The following SLC36A1 variants were observed in gnomAD, a reference collection of about 807,000 sequenced individuals.
SLC36A1 encodes proton-coupled amino acid transporter 1.
In SLC36A1, 30 loss-of-function variants were observed where a neutral mutation model predicts 47.5. The observed-to-expected ratio is 0.63, with a 90% CI of 0.47 to 0.86. SLC36A1 has a LOEUF of 0.86. Among genes scored for constraint, SLC36A1 ranks in the 40% least tolerant of loss-of-function variants. The pLI is 0.00. For synonymous variants in SLC36A1, 255 were observed against 249.7 expected, an observed-to-expected ratio of 1.02 and a Z score of -0.20; for missense variants, 517 against 606.0, an observed-to-expected ratio of 0.85 and a Z score of 1.54.
chr5:151,392,833 A>G, the SLC36A1 span, among the ~76,000 whole-genome samples: 1 of 152,122 alleles, frequency 6.6e-6, no homozygotes. Flanking sequence ...TATGTGGTCA[A>G]TTTTGGAATA....
chr5:151,545,541 G>A, the SLC36A1 span: 1 of 1,614,148 alleles, frequency 6.2e-7, no homozygotes, highest in South Asian at 1.1e-5. Context: ...TCACATCTCT[G>A]ACATGAATGA....
rs1261751450 is a variant in SLC36A1, at chr5:151,488,444, G to A, written c.*190G>A. 3.2e-5 allele frequency: 22 copies of A among 684,376 alleles called. 1 individual carries two copies. Among genetic ancestry groups the A allele is most frequent in the African/African-American group, 7.2e-5 (4 of 55,376 alleles). 42.4% of individuals were successfully genotyped at this position (684,376 alleles called of 1,614,324 possible). A position where few individuals can be genotyped will look rare whatever the true frequency, so the allele number is the denominator to read the frequency against. On this transcript the variant is annotated 3_prime_UTR_variant, in exon 11 of 11. Transcript: ENST00000243389. ...AGGGGAGAGGTGGGGTGGCAGACAC[G>A]CAGAAGTGCTACTAGTGACAGGGCT... is the stretch of plus-strand genomic sequence containing the variant.
At chr5:151,550,500 G>A in the SLC36A1 span, 1 of 1,425,846 alleles carries the variant, frequency 7.0e-7, no homozygotes, top group Admixed American at 1.8e-5. Flanking sequence ...CTTATGAGGG[G>A]AAGGGGGACC....
intron 7 of SLC36A1, among the ~76,000 whole-genome samples, chr5:151,468,266 A>AAAAAATATATATATATATATAT (rs55642458): frequency 1.6e-5 from 1 of 63,830 alleles, no homozygotes; most frequent in Admixed American, 1.8e-4. Context: ...AAAAAAAAAA[A>AAAAAATATATATATATATATAT]ATATATATAT....
At chr5:151,412,957 C>T in the SLC36A1 span, among the ~76,000 whole-genome samples, 1 of 144,058 alleles carries the variant, frequency 6.9e-6, no homozygotes, top group East Asian at 2.3e-4. Flanking sequence ...TCCATCAGAC[C>T]CCTACTCTTA....
At chr5:151,395,533 C>T in the SLC36A1 span, among the ~76,000 whole-genome samples, 1 of 152,218 alleles carries the variant, frequency 6.6e-6, no homozygotes, top group African/African-American at 2.4e-5. Flanking sequence ...TGTTGCTATT[C>T]AGCCATCTTG....
the SLC36A1 span, among the ~76,000 whole-genome samples, chr5:151,352,622 T>C: frequency 6.6e-6 from 1 of 152,340 alleles, no homozygotes; most frequent in Non-Finnish European, 1.5e-5. Flanking sequence ...CTCCAGAGGC[T>C]ATGAAGGAAA....
chr5:151,542,664 G>A, the SLC36A1 span: 1 of 1,614,204 alleles, frequency 6.2e-7, no homozygotes, highest in South Asian at 1.1e-5. Flanking sequence ...CCTTGTCAAT[G>A]GCAGTCACTT....
chr5:151,549,374 G>C, the SLC36A1 span: 2 of 1,613,920 alleles, frequency 1.2e-6, no homozygotes, highest in Admixed American at 3.3e-5. Flanking sequence ...GCTCTGTGCC[G>C]GGGGCTATGG....
chr5:151,481,101 T>C (rs924391191), intron 10 of SLC36A1, among the ~76,000 whole-genome samples: 2 of 152,214 alleles, frequency 1.3e-5, no homozygotes, highest in Non-Finnish European at 2.9e-5. Context: ...GAGACAGCAG[T>C]CTCTGATTCA....
chr5:151,507,844 CTAT>C, the SLC36A1 span, among the ~76,000 whole-genome samples: 1 of 152,194 alleles, frequency 6.6e-6, no homozygotes, highest in Admixed American at 6.5e-5. Context: ...CTGGGAATGT[CTAT>C]TATTTTTCCA....
the SLC36A1 span, among the ~76,000 whole-genome samples, chr5:151,359,166 C>T: frequency 6.6e-6 from 1 of 152,124 alleles, no homozygotes; most frequent in Non-Finnish European, 1.5e-5. Context: ...GATCTTTCTA[C>T]ACAGAGAAAT....
the SLC36A1 span, among the ~76,000 whole-genome samples, chr5:151,500,559 G>A: frequency 6.6e-6 from 1 of 152,144 alleles, no homozygotes; most frequent in African/African-American, 2.4e-5. Flanking sequence ...GTAGAGACGG[G>A]GTTTCACCAT....
At chr5:151,554,819 C>T in the SLC36A1 span, 12 of 674,230 alleles carry the variant, frequency 1.8e-5, no homozygotes, top group Non-Finnish European at 3.0e-5. Context: ...TGGAACTCAG[C>T]TCTCTGGCAA....
chr5:151,425,964 C>CTCTATCTATCTATCTG, the SLC36A1 span, among the ~76,000 whole-genome samples: 2 of 148,052 alleles, frequency 1.4e-5, no homozygotes, highest in Non-Finnish European at 3.0e-5. Flanking sequence ...CTCTCTCTCC[C>CTCTATCTATCTATCTG]TCTATCTATC....
the SLC36A1 span, among the ~76,000 whole-genome samples, chr5:151,515,358 C>T: frequency 1.3e-5 from 2 of 152,198 alleles, no homozygotes; most frequent in African/African-American, 2.4e-5. Flanking sequence ...CTTCAATCTA[C>T]ATTGCTTGGT....
the SLC36A1 span, chr5:151,504,974 A>G: frequency 6.5e-6 from 1 of 153,282 alleles, no homozygotes; most frequent in Admixed American, 6.5e-5. Flanking sequence ...TGCAAAGCAC[A>G]GTGCCTGACG....
At chr5:151,497,260 G>A (rs551854029), downstream of SLC36A1, among the ~76,000 whole-genome samples, 4 of 152,224 alleles carry the variant, frequency 2.6e-5, no homozygotes, top group South Asian at 4.1e-4. Context: ...TTTTATAGAA[G>A]TTCCCCTCTA....
In SLC36A1 at chr5:151,463,636, G is replaced by A; in HGVS notation, c.227G>A (p.Gly76Asp). 1.2e-6 allele frequency: 2 copies of A among 1,613,756 alleles called. No homozygotes were observed. Among genetic ancestry groups the A allele is most frequent in the Non-Finnish European group, 1.7e-6 (2 of 1,179,654 alleles). ...LGLPLAVKNA[G>D]IVMGPISLLI... ...CTCCCTCTGGCGGTGAAAAATGCAG[G>A]CATCGTGGTAAGGGTCTGCATCAGT... The change falls in exon 3 of 11, where the codon GGC becomes GAC. Residue 76 changes from glycine (G) to aspartate (D), a missense_variant. Physicochemically the swap from Gly to Asp is moderately conservative, Grantham distance 94. Transcript: ENST00000243389.
Sources: allele counts gnomAD v4.1 joint callset (sites outside exome capture counted in the v4.1 genomes callset), GRCh38; gene constraint gnomAD v4.1.1; transcripts MANE v1.5; gene names NCBI Gene and HGNC (gene_info 2026-07-23, HGNC 2026-07-21).